PRKCE: variants seen among roughly 807,000 people sequenced by gnomAD.
PRKCE encodes the protein protein kinase C epsilon type.
A neutral mutation model predicts 85.4 loss-of-function variants in PRKCE; 16 were observed. That is an observed-to-expected ratio of 0.19 (90% CI 0.13 to 0.28). PRKCE has a LOEUF of 0.28. Among genes scored for constraint, PRKCE ranks in the 10% least tolerant of loss-of-function variants. The pLI, the probability that PRKCE is intolerant of heterozygous loss-of-function variation, is 1.00. For missense variants in PRKCE, 573 were observed against 975.2 expected (o/e 0.59, Z 5.49); for synonymous variants, 388 against 371.5 (o/e 1.04, Z -0.51).
At chr2:45,684,031 C>A (rs1677098683) in intron 1 of PRKCE, among the ~76,000 whole-genome samples, 1 of 152,212 alleles carries the variant, frequency 6.6e-6, no homozygotes. Context: ...CAGACCACAG[C>A]TGACTTGGTG....
At chr2:45,951,088 G>T (rs1228003599) in intron 2 of PRKCE, among the ~76,000 whole-genome samples, 2 of 152,184 alleles carry the variant, frequency 1.3e-5, no homozygotes, top group Admixed American at 6.5e-5. Flanking sequence ...TCACTGTAAA[G>T]CCAGTGTTCA....
intron 5 of PRKCE, among the ~76,000 whole-genome samples, chr2:45,984,302 T>C (rs1703140536): frequency 1.3e-5 from 2 of 152,112 alleles, no homozygotes; most frequent in African/African-American, 2.4e-5. Context: ...GAGAGGACCA[T>C]GTTGGGGAGT....
chr2:45,853,794 AG>A (rs1269917265), intron 2 of PRKCE, among the ~76,000 whole-genome samples: 11 of 152,232 alleles, frequency 7.2e-5, no homozygotes, highest in African/African-American at 2.7e-4. Flanking sequence ...CAATTTCATG[AG>A]TGGGCATGGA....
intron 2 of PRKCE, among the ~76,000 whole-genome samples, chr2:45,935,974 G>C (rs1699418599): frequency 6.6e-6 from 1 of 152,172 alleles, no homozygotes; most frequent in African/African-American, 2.4e-5. Context: ...CTGGGGTTTG[G>C]TCCCTGGTCT....
intron 1 of PRKCE, among the ~76,000 whole-genome samples, chr2:45,760,796 C>G (rs906302817): frequency 2.0e-5 from 3 of 152,182 alleles, no homozygotes; most frequent in African/African-American, 4.8e-5. Flanking sequence ...TGGGTTCCCA[C>G]TTTCCATCAT....
At chr2:45,937,671 T>C (rs1357015112) in intron 2 of PRKCE, among the ~76,000 whole-genome samples, 1 of 151,258 alleles carries the variant, frequency 6.6e-6, no homozygotes, top group Non-Finnish European at 1.5e-5. Context: ...GCCGAGATCA[T>C]ACCACTGCAC....
intron 1 of PRKCE, among the ~76,000 whole-genome samples, chr2:45,662,972 T>A (rs1675745734): frequency 6.6e-6 from 1 of 152,172 alleles, no homozygotes. Flanking sequence ...TTTAGGTAGC[T>A]GAGAGAATCA....
chr2:45,921,896 A>G (rs1291449659), intron 2 of PRKCE, among the ~76,000 whole-genome samples: 1 of 152,210 alleles, frequency 6.6e-6, no homozygotes, highest in Non-Finnish European at 1.5e-5. Context: ...ACTGATTTCT[A>G]TATTGTTTTT....
At position 45,744,459 on chromosome 2, in the gene PRKCE, TTC is replaced by T. The variant is rs1206656276; in HGVS notation, c.348+92013_348+92014del. 7.9e-3 allele frequency among the ~76,000 whole-genome samples: 491 copies of T among 62,396 alleles called. 6 individuals carry two copies. Among genetic ancestry groups the T allele is most frequent in the South Asian group, 0.027 (33 of 1,218 alleles). The allele number at this position is 62,396 out of a possible 152,430, so 40.9% of individuals were successfully genotyped here. On this transcript the variant is annotated intron_variant, in intron 1 of 14. Transcript: ENST00000306156. ...TTTCTTTCTTTCTTTCTTTCTTTCT[TTC>T]TTTCTTTCTTTCTTTCTTTCTTTCT...
chr2:45,674,949 A>G (rs556039157), intron 1 of PRKCE: 1 of 152,258 alleles, frequency 6.6e-6, no homozygotes, highest in African/African-American at 2.4e-5. Flanking sequence ...TGGTAGCAAG[A>G]TTTTCTGTGT....
At chr2:45,913,359 A>C (rs1252135285) in intron 2 of PRKCE, among the ~76,000 whole-genome samples, 1 of 152,196 alleles carries the variant, frequency 6.6e-6, no homozygotes, top group African/African-American at 2.4e-5. Flanking sequence ...CATGTTGTCC[A>C]GGCTGGTCTT....
intron 6 of PRKCE, among the ~76,000 whole-genome samples, chr2:45,993,844 A>G (rs1238893058): frequency 6.6e-6 from 1 of 152,136 alleles, no homozygotes; most frequent in Non-Finnish European, 1.5e-5. Context: ...CAGAGTTATT[A>G]GTGATAACTC....
At chr2:46,079,458 C>T (rs965492128) in intron 10 of PRKCE, among the ~76,000 whole-genome samples, 2 of 152,144 alleles carry the variant, frequency 1.3e-5, no homozygotes, top group East Asian at 1.9e-4. Flanking sequence ...AGCCACCTAC[C>T]CAAAATCTGG....
At chr2:45,817,195 A>G (rs1017834588) in intron 1 of PRKCE, among the ~76,000 whole-genome samples, 1 of 152,034 alleles carries the variant, frequency 6.6e-6, no homozygotes, top group East Asian at 1.9e-4. Context: ...CCTTGTCATG[A>G]TAGCAGCAGC....
intron 10 of PRKCE, among the ~76,000 whole-genome samples, chr2:46,032,150 A>G (rs954354893): frequency 1.3e-5 from 2 of 152,204 alleles, no homozygotes; most frequent in Non-Finnish European, 2.9e-5. Flanking sequence ...CACACATACA[A>G]CTTTTAAATT....
chr2:46,154,827 C>G (rs1238338229), intron 13 of PRKCE, among the ~76,000 whole-genome samples: 2 of 150,576 alleles, frequency 1.3e-5, no homozygotes, highest in Admixed American at 1.3e-4. Flanking sequence ...TTTCCACTTT[C>G]TAACCCACTA....
At chr2:45,952,131 T>C (rs1409596452) in intron 2 of PRKCE, among the ~76,000 whole-genome samples, 2 of 152,202 alleles carry the variant, frequency 1.3e-5, no homozygotes. Flanking sequence ...CTGTGCCCAG[T>C]TGATTCAGAC....
chr2:45,993,697 G>C (rs552697692), intron 6 of PRKCE, among the ~76,000 whole-genome samples: 1 of 152,282 alleles, frequency 6.6e-6, no homozygotes, highest in South Asian at 2.1e-4. Context: ...AGAGGCAGAA[G>C]ACAGCTTTCA....
intron 13 of PRKCE, among the ~76,000 whole-genome samples, chr2:46,153,348 G>A (rs1676829206): frequency 6.6e-6 from 1 of 152,102 alleles, no homozygotes; most frequent in East Asian, 1.9e-4. Flanking sequence ...TTATTGGCAG[G>A]CACTATGCCA....
Sources: allele counts gnomAD v4.1 joint callset (sites outside exome capture counted in the v4.1 genomes callset), GRCh38; gene constraint gnomAD v4.1.1; transcripts MANE v1.5; gene names NCBI Gene and HGNC (gene_info 2026-07-23, HGNC 2026-07-21).